Variants in ACBD7 observed in about 807,000 individuals in gnomAD.
ACBD7 encodes the protein acyl-CoA binding domain containing 7.
ACBD7 carries 11 observed loss-of-function variants against 13.7 expected under a neutral mutation model. That is an observed-to-expected ratio of 0.80 (90% CI 0.50 to 1.33). The LOEUF is 1.33. ACBD7 is among the 40% of genes most tolerant of loss of function. The pLI is 0.00. For missense variants in ACBD7, 111 were observed against 103.0 expected, an observed-to-expected ratio of 1.08 and a Z score of -0.33; for synonymous variants, 43 against 37.7, an observed-to-expected ratio of 1.14 and a Z score of -0.51.
chr10:15,085,361 TTTCA>T (rs1426935578), intron 1 of ACBD7, among the ~76,000 whole-genome samples: 1 of 152,190 alleles, frequency 6.6e-6, no homozygotes, highest in African/African-American at 2.4e-5. Context: ...GTAAATTACC[TTTCA>T]CATTTCAGCC....
rs371874832 is a variant in ACBD7 at position 15,078,585 on chromosome 10, G to C, written c.212C>G (p.Ala71Gly). 1 of 1,613,984 alleles carries C rather than the reference G, an allele frequency of 6.2e-7. No homozygotes were observed. The highest frequency in any genetic ancestry group is 8.5e-7 in the Non-Finnish European group (1 of 1,180,000). Reference protein sequence around the residue: ...NLKKGLSTEDATSAYISKAKE... With the variant: ...NLKKGLSTEDGTSAYISKAKE... Reference sequence around the variant, plus strand: ...TGCTTTAGAAATATAGGCACTCGTCGCATCTTCCGTCGACAACCCTAGAAA... The same window carrying C: ...TGCTTTAGAAATATAGGCACTCGTCCCATCTTCCGTCGACAACCCTAGAAA... Residue 71 changes from alanine (A) to glycine (G), a missense_variant, in exon 4 of 4, where the codon GCG becomes GGG. Coordinates refer to ENST00000356189, the MANE Select transcript of ACBD7 (RefSeq NM_001039844.3).
Position 15,079,056 on chromosome 10 carries a change from A to G in ACBD7, c.13-16T>C. On this transcript the variant is annotated splice_polypyrimidine_tract_variant and intron_variant, in intron 1 of 3. Transcript: ENST00000356189. The stretch of plus-strand genomic sequence containing the variant: ...CAAAATCAGCCTAAAGGAAGAACAA[A>G]CAAACAAACAAAAGGAGCATTTTAC... 6.4e-7 allele frequency: 1 copy of G among 1,571,904 alleles called. No individual in the cohort carries two copies. The highest frequency in any genetic ancestry group is 1.1e-5 in the South Asian group (1 of 87,262).
intron 1 of ACBD7, 129 bp downstream of exon 1, chr10:15,088,588 G>C (rs773290716): frequency 1.1e-4 from 142 of 1,275,620 alleles, no homozygotes; most frequent in Non-Finnish European, 1.3e-4. Flanking sequence ...GGGGCGCTGG[G>C]GAAGGAGTGG....
rs76424538 is a variant in ACBD7, at chr10:15,078,920, T to C, written c.130+3A>G. On this transcript the variant is annotated splice_donor_region_variant and intron_variant, in intron 2 of 3. Coordinates refer to ENST00000356189, the MANE Select transcript of ACBD7 (RefSeq NM_001039844.3). ...ATATATTAATATTAATAATATATAATACCAATATTAATGTCTCCAACTATT... is the reference window on the plus strand; with the variant it reads ...ATATATTAATATTAATAATATATAACACCAATATTAATGTCTCCAACTATT... The C allele has an allele frequency of 3.7e-3, 5,233 of 1,429,148 alleles. 142 individuals carry two copies. In the African/African-American group the frequency reaches 0.063, roughly 17 times the overall value. The allele number at this position is 1,429,148 out of a possible 1,614,324, so 88.5% of individuals were successfully genotyped here. A position where few individuals can be genotyped will look rare whatever the true frequency, so the allele number is the denominator to read the frequency against.
At chr10:15,087,073 G>A (rs1296353366) in intron 1 of ACBD7, among the ~76,000 whole-genome samples, 2 of 151,228 alleles carry the variant, frequency 1.3e-5, no homozygotes, top group African/African-American at 4.9e-5. Context: ...CAAGCTACTT[G>A]GGAGGCTGAA....
intron 1 of ACBD7, among the ~76,000 whole-genome samples, chr10:15,086,673 G>A (rs1379348158): frequency 6.6e-6 from 1 of 151,910 alleles, no homozygotes; most frequent in Non-Finnish European, 1.5e-5. Flanking sequence ...CTCAGGAGTT[G>A]GAGATCAGCC....
intron 1 of ACBD7, 114 bp downstream of exon 1, chr10:15,088,603 G>C (rs990227486): frequency 1.5e-6 from 2 of 1,378,284 alleles, no homozygotes; most frequent in Non-Finnish European, 1.9e-6. Flanking sequence ...GAGTGGGCGT[G>C]TCCCCCGGGT....
At chr10:15,080,611 A>C (rs546444300) in intron 1 of ACBD7, among the ~76,000 whole-genome samples, 1 of 152,192 alleles carries the variant, frequency 6.6e-6, no homozygotes, top group African/African-American at 2.4e-5. Flanking sequence ...AATGTACTTA[A>C]GTAGTTTAAG....
intron 1 of ACBD7, among the ~76,000 whole-genome samples, chr10:15,080,846 G>A (rs1209562701): frequency 6.6e-6 from 1 of 152,116 alleles, no homozygotes; most frequent in East Asian, 1.9e-4. Flanking sequence ...ACTAAACTGT[G>A]TCTTACCTTG....
In ACBD7 at chr10:15,078,740, C is replaced by T. The variant is rs769566719; in HGVS notation, c.144G>A (p.Met48Ile). ...VGDINIACPG[M>I]LDLKGKAKWE... ...ATTTGGCTTTGCCTTTTAAATCTAGCATTCCTGGACACGCTGGCAAAAGAA... is the reference window on the plus strand; with the variant it reads ...ATTTGGCTTTGCCTTTTAAATCTAGTATTCCTGGACACGCTGGCAAAAGAA... Residue 48 changes from methionine (M) to isoleucine (I), a missense_variant, in exon 3 of 4, where the codon ATG becomes ATA. Coordinates refer to ENST00000356189, the MANE Select transcript of ACBD7 (RefSeq NM_001039844.3). The T allele has an allele frequency of 5.2e-5, 84 of 1,613,778 alleles. 2 individuals are homozygous for T. In the South Asian group the frequency reaches 9.1e-4, roughly 18 times the overall value.
In ACBD7 at chr10:15,076,503, ATTTTT is replaced by A. The variant is rs34941547; in HGVS notation, c.*2022_*2026del. The A allele has an allele frequency of 9.4e-6, 8 of 852,376 alleles. No individual in the cohort carries two copies. The highest frequency in any genetic ancestry group is 5.5e-5 in the South Asian group (1 of 18,244). The allele number at this position is 852,376 out of a possible 1,614,324, so 52.8% of individuals were successfully genotyped here. A position where few individuals can be genotyped will look rare whatever the true frequency, so the allele number is the denominator to read the frequency against. On this transcript the variant is annotated 3_prime_UTR_variant, in exon 4 of 4. Coordinates refer to ENST00000356189, the MANE Select transcript of ACBD7 (RefSeq NM_001039844.3). ...TTAAACTGCTATGGACAGACTTGTAATTTTTTTTTTTTTTTTTGAGACGGAGTCTT... is the reference window on the plus strand; with the variant it reads ...TTAAACTGCTATGGACAGACTTGTAATTTTTTTTTTTTGAGACGGAGTCTT...
At chr10:15,082,325 C>T (rs1371991006) in intron 1 of ACBD7, among the ~76,000 whole-genome samples, 1 of 142,476 alleles carries the variant, frequency 7.0e-6, no homozygotes, top group Non-Finnish European at 1.5e-5. Flanking sequence ...TAAAGCAAGA[C>T]ATAAGAAATA....
chr10:15,087,356 G>C (rs1040013077), intron 1 of ACBD7, among the ~76,000 whole-genome samples: 1 of 152,220 alleles, frequency 6.6e-6, no homozygotes, highest in African/African-American at 2.4e-5. Flanking sequence ...AAGTAGAAGT[G>C]AGGCACACAT....
At chr10:15,080,012 C>A (rs550409382) in intron 1 of ACBD7, among the ~76,000 whole-genome samples, 1 of 151,978 alleles carries the variant, frequency 6.6e-6, no homozygotes, top group South Asian at 2.1e-4. Context: ...TTAATACCAT[C>A]GTCTAGGGCG....
At position 15,075,911 on chromosome 10, in the gene ACBD7, T is replaced by C. The variant is rs1374547720; in HGVS notation, c.*2619A>G. 3.4e-5 allele frequency among the ~76,000 whole-genome samples: 5 copies of C among 146,442 alleles called. No individual in the cohort carries two copies. The highest frequency in any genetic ancestry group is 7.6e-5 in the African/African-American group (3 of 39,394). ...ATTGCTTGACCCTGGGAGGCAGAGG[T>C]TGCAGTGAGCCGAGAGCGTGCCACT... is the stretch of plus-strand genomic sequence containing the variant. On this transcript the variant is annotated 3_prime_UTR_variant, in exon 4 of 4. Coordinates refer to ENST00000356189, the MANE Select transcript of ACBD7 (RefSeq NM_001039844.3).
intron 1 of ACBD7, among the ~76,000 whole-genome samples, chr10:15,086,496 G>A (rs1448706489): frequency 2.0e-5 from 3 of 152,166 alleles, no homozygotes; most frequent in Admixed American, 1.3e-4. Context: ...AAGCTAAAAA[G>A]GAAACTTTCA....
intron 1 of ACBD7, chr10:15,088,466 C>G (rs901193136): frequency 1.7e-5 from 9 of 542,264 alleles, no homozygotes; most frequent in African/African-American, 1.6e-4. Context: ...TGCTCCCCGG[C>G]GCTCCTGCCT....
In ACBD7 at chr10:15,078,273, C is replaced by T; in HGVS notation, c.*257G>A. The T allele has an allele frequency of 6.2e-6, 7 of 1,127,952 alleles. No individual in the cohort carries two copies. The highest frequency in any genetic ancestry group is 8.0e-6 in the Non-Finnish European group (7 of 877,296). The allele number at this position is 1,127,952 out of a possible 1,614,324, so 69.9% of individuals were successfully genotyped here. A position where few individuals can be genotyped will look rare whatever the true frequency, so the allele number is the denominator to read the frequency against. On this transcript the variant is annotated 3_prime_UTR_variant, in exon 4 of 4. Transcript: ENST00000356189. The stretch of plus-strand genomic sequence containing the variant: ...GTCCCTGCAAAGGACATGAACTCAT[C>T]CCTTTTTATGGCTCCATAGTATTCC...
chr10:15,084,138 C>A (rs1220860053), intron 1 of ACBD7, among the ~76,000 whole-genome samples: 2 of 152,186 alleles, frequency 1.3e-5, no homozygotes, highest in Non-Finnish European at 2.9e-5. Context: ...CTGCTCCCAG[C>A]GGTGTGGACA....
Sources: allele counts gnomAD v4.1 joint callset (sites outside exome capture counted in the v4.1 genomes callset), GRCh38; gene constraint gnomAD v4.1.1; transcripts MANE v1.5; gene names NCBI Gene and HGNC (gene_info 2026-07-23, HGNC 2026-07-21).